Variants in GALNT6 observed in about 807,000 individuals in gnomAD.
GALNT6 encodes polypeptide N-acetylgalactosaminyltransferase 6, also known as GalNAc transferase 6.
A neutral mutation model predicts 65.9 loss-of-function variants in GALNT6; 51 were observed. That is an observed-to-expected ratio of 0.77 (90% CI 0.62 to 0.98). GALNT6 has a LOEUF of 0.98. Ranked by LOEUF, GALNT6 falls within the 50% of genes least tolerant of loss-of-function variation. GALNT6 has a pLI of 0.00. For missense variants in GALNT6, 708 were observed against 803.3 expected (o/e 0.88, Z 1.43); for synonymous variants, 323 against 315.1 (o/e 1.02, Z -0.26).
chr12:51,365,535 C>T lies in GALNT6; in HGVS notation c.709G>A (p.Val237Met). 8.1e-6 allele frequency: 13 copies of T among 1,613,382 alleles called. No homozygotes were observed. Among genetic ancestry groups the T allele is most frequent in the Non-Finnish European group, 1.1e-5 (13 of 1,180,000 alleles). Residue 237 changes from valine to methionine, a missense_variant, in exon 5 of 12, where the codon GTG becomes ATG. By Grantham distance (21) the Val-to-Met change is conservative (BLOSUM62 1). Transcript: ENST00000356317. The part of the protein sequence containing the change: ...KLEQYVKQLQ[V>M]VRVVRQEERK... The stretch of plus-strand genomic sequence containing the variant: ...TCCTCCTGCCGCACCACCCTCACCA[C>T]CTGCAGCTGCTTCACGTACTGCTCC...
Position 51,352,081 on chromosome 12 carries a change from A to C in GALNT6, c.*2298T>G, listed in dbSNP as rs1946626528. On this transcript the variant is annotated 3_prime_UTR_variant, in exon 12 of 12. Transcript: ENST00000356317. Reference sequence around the variant, plus strand: ...GTTGAGTTGCAATGGGAACAAAGACAGCTGTGGTCCCATAGCACCCTCATC... The same window carrying C: ...GTTGAGTTGCAATGGGAACAAAGACCGCTGTGGTCCCATAGCACCCTCATC... 6.6e-6 allele frequency: 1 copy of C among 152,252 alleles called. No individual in the cohort carries two copies. The highest frequency in any genetic ancestry group is 1.5e-5 in the Non-Finnish European group (1 of 68,062). 9.4% of individuals were successfully genotyped at this position (152,252 alleles called of 1,614,324 possible).
intron 5 of GALNT6, among the ~76,000 whole-genome samples, 153 bp downstream of exon 5, chr12:51,365,277 G>A (rs1408029031): frequency 6.6e-6 from 1 of 152,188 alleles, no homozygotes; most frequent in Non-Finnish European, 1.5e-5. Flanking sequence ...GGATTGGGGT[G>A]AGAAAGGGGT....
intron 10 of GALNT6, 123 bp downstream of exon 10, chr12:51,357,226 G>A: frequency 1.5e-6 from 1 of 654,670 alleles, no homozygotes; most frequent in Non-Finnish European, 2.8e-6. Flanking sequence ...TCCTCCGACT[G>A]GAAGCTTCCT....
Position 51,354,157 on chromosome 12 carries a change from G to A in GALNT6, c.*222C>T, listed in dbSNP as rs925099424. On this transcript the variant is annotated 3_prime_UTR_variant, in exon 12 of 12. Transcript: ENST00000356317. ...GCCTCTATTTCTAGAACAGGAAAAC[G>A]CTAGGCTAAATATATGTCCTAATGG... 2.2e-5 allele frequency: 10 copies of A among 446,522 alleles called. No individual in the cohort carries two copies. The highest frequency in any genetic ancestry group is 6.2e-5 in the African/African-American group (3 of 48,316). 27.7% of individuals were successfully genotyped at this position (446,522 alleles called of 1,614,324 possible). A position where few individuals can be genotyped will look rare whatever the true frequency, so the allele number is the denominator to read the frequency against.
chr12:51,374,463 G>A (rs1947389320), intron 4 of GALNT6, among the ~76,000 whole-genome samples: 1 of 152,144 alleles, frequency 6.6e-6, no homozygotes, highest in Admixed American at 6.5e-5. Context: ...AACTCAACAG[G>A]GCTCACACTC....
chr12:51,372,852 C>T (rs926366088), intron 4 of GALNT6, among the ~76,000 whole-genome samples: 1 of 152,208 alleles, frequency 6.6e-6, no homozygotes, highest in African/African-American at 2.4e-5. Flanking sequence ...GCTACGGGAG[C>T]CCACCTCTTG....
At position 51,384,908 on chromosome 12, in the gene GALNT6, TA is replaced by T. The variant is rs1393884809; in HGVS notation, c.-103-5025del. Among the ~76,000 whole-genome samples, 6 of 152,224 alleles carry T rather than the reference TA, an allele frequency of 3.9e-5. No homozygotes were observed. In the East Asian group the frequency reaches 1.2e-3, roughly 29 times the overall value. On this transcript the variant is annotated intron_variant, in intron 2 of 11. Coordinates refer to ENST00000356317, the MANE Select transcript of GALNT6 (RefSeq NM_007210.4). ...TCAAAAAATAAAAATAAATAAATTT[TA>T]AAAACCCAGAATAGAATGAAAAGAA... is the stretch of plus-strand genomic sequence containing the variant.
At chr12:51,367,619 C>T (rs1427028399) in intron 4 of GALNT6, among the ~76,000 whole-genome samples, 1 of 152,174 alleles carries the variant, frequency 6.6e-6, no homozygotes, top group Admixed American at 6.5e-5. Context: ...ATTGTGTGTC[C>T]TTTTCCTTTT....
chr12:51,388,169 C>G (rs1947899458), intron 2 of GALNT6, among the ~76,000 whole-genome samples: 1 of 152,232 alleles, frequency 6.6e-6, no homozygotes, highest in Admixed American at 6.5e-5. Flanking sequence ...TGATTCATTC[C>G]CTGCCTCCGG....
intron 8 of GALNT6, 40 bp from the exon 9 acceptor site, chr12:51,358,301 G>GTTTTTTT: frequency 6.9e-7 from 1 of 1,447,328 alleles, no homozygotes; most frequent in Non-Finnish European, 9.3e-7. Flanking sequence ...AGTTCCACCA[G>GTTTTTTT]TTTTTTTTTT....
chr12:51,372,094 T>G (rs1220628543), intron 4 of GALNT6, among the ~76,000 whole-genome samples: 3 of 152,140 alleles, frequency 2.0e-5, no homozygotes, highest in African/African-American at 7.2e-5. Context: ...AAAATGTGGG[T>G]TTTGCATATT....
Position 51,357,468 on chromosome 12 carries a change from G to C in GALNT6, c.1501-18C>G, listed in dbSNP as rs1369367021. 27 of 1,579,446 alleles carry C rather than the reference G, an allele frequency of 1.7e-5. No individual in the cohort carries two copies. The highest frequency in any genetic ancestry group is 2.4e-5 in the Non-Finnish European group (27 of 1,148,706). The stretch of plus-strand genomic sequence containing the variant: ...TTCTTGATCTGCAGAAGGGTGAGCA[G>C]AGAGGGGAAGCAGGATGGCACAGTC... On this transcript the variant is annotated intron_variant, in intron 9 of 11. Coordinates refer to ENST00000356317, the MANE Select transcript of GALNT6 (RefSeq NM_007210.4).
In GALNT6 at chr12:51,365,583, G is replaced by A; in HGVS notation, c.665-4C>T. On this transcript the variant is annotated splice_region_variant and splice_polypyrimidine_tract_variant and intron_variant, in intron 4 of 11. Coordinates refer to ENST00000356317, the MANE Select transcript of GALNT6 (RefSeq NM_007210.4). ...TCCAGCTTCTCCTTTAGGTGCTCTG[G>A]AAGGGACAGTGTCATTGTGGCCAGT... 2 of 1,613,576 alleles carry A rather than the reference G, an allele frequency of 1.2e-6. No homozygotes were observed. The highest frequency in any genetic ancestry group is 8.5e-7 in the Non-Finnish European group (1 of 1,179,748).
At chr12:51,371,171 C>T (rs559363650) in intron 4 of GALNT6, among the ~76,000 whole-genome samples, 1 of 151,888 alleles carries the variant, frequency 6.6e-6, no homozygotes, top group African/African-American at 2.4e-5. Flanking sequence ...GCAACCTCCG[C>T]CTCCGGGGTT....
At chr12:51,369,859 T>A (rs1434088615) in intron 4 of GALNT6, among the ~76,000 whole-genome samples, 1 of 152,158 alleles carries the variant, frequency 6.6e-6, no homozygotes, top group African/African-American at 2.4e-5. Flanking sequence ...CAGTCACTGC[T>A]TTTCTGCCTT....
In GALNT6 at chr12:51,359,160, T is replaced by C. The variant is rs1286981426; in HGVS notation, c.1340A>G (p.Asn447Ser). 2 of 1,614,148 alleles carry C rather than the reference T, an allele frequency of 1.2e-6. No individual in the cohort carries two copies. The highest frequency in any genetic ancestry group is 1.7e-5 in the Admixed American group (1 of 60,026). Residue 447 changes from asparagine to serine, a missense_variant, in exon 8 of 12, where the codon AAT becomes AGT. Physicochemically the swap from Asn to Ser is conservative, Grantham distance 46 (BLOSUM62 1). Coordinates refer to ENST00000356317, the MANE Select transcript of GALNT6 (RefSeq NM_007210.4). Reference sequence around the variant, plus strand: ...TTGGGCCATCTTTGCTGCCTGCAGATTTCTCCTATAGAAAATCTTCTTGTA... The same window carrying C: ...TTGGGCCATCTTTGCTGCCTGCAGACTTCTCCTATAGAAAATCTTCTTGTA... ...DSYKKIFYRR[N>S]LQAAKMAQEK...
chr12:51,361,117 C>A (rs567326987), intron 6 of GALNT6, among the ~76,000 whole-genome samples: 1 of 152,228 alleles, frequency 6.6e-6, no homozygotes, highest in African/African-American at 2.4e-5. Flanking sequence ...CACCAGGGCC[C>A]GTGCTACATG....
chr12:51,372,165 C>A (rs1179543321), intron 4 of GALNT6, among the ~76,000 whole-genome samples: 2 of 152,050 alleles, frequency 1.3e-5, no homozygotes, highest in South Asian at 2.1e-4. Context: ...ATGCCAGGAC[C>A]CAGAAAAATA....
intron 9 of GALNT6, among the ~76,000 whole-genome samples, chr12:51,357,890 C>T (rs914411397): frequency 6.6e-6 from 1 of 152,184 alleles, no homozygotes; most frequent in Non-Finnish European, 1.5e-5. Flanking sequence ...CCGTGCCTTC[C>T]TGGTGATTCT....
Sources: gnomAD v4.1 joint callset for allele counts (sites outside exome capture counted in the v4.1 genomes callset) on GRCh38, gnomAD v4.1.1 for gene constraint, MANE v1.5 for transcripts, NCBI Gene and HGNC (gene_info 2026-07-23, HGNC 2026-07-21) for gene names.